The following CPT1B variants were observed in gnomAD, a reference collection of about 807,000 sequenced individuals.
CPT1B encodes the protein carnitine O-palmitoyltransferase 1, muscle isoform.
CPT1B carries 57 observed loss-of-function variants against 92.7 expected under a neutral mutation model. The ratio of observed to expected loss-of-function variants is 0.62; its 90% CI spans 0.50 to 0.77. The LOEUF is 0.77. Among genes scored for constraint, CPT1B ranks in the 30% least tolerant of loss-of-function variants. CPT1B has a pLI of 0.00. For missense variants in CPT1B, 983 were observed against 1,017.4 expected (o/e 0.97, Z 0.46); for synonymous variants, 398 against 383.5 (o/e 1.04, Z -0.44).
rs563363846 is a variant in CPT1B at position 50,577,887 on chromosome 22, A to C, written c.29T>G (p.Phe10Cys). The change falls in exon 2 of 20, where the codon TTC becomes TGC. Residue 10 changes from phenylalanine (F) to cysteine (C), a missense_variant. Phe to Cys is a radical substitution (Grantham distance 205). Transcript: ENST00000312108. ...CCCGTCTGGGGTCACCGTGAACTGG[A>C]AGGCCACGGCCTGGTGAGCTTCCGC... MAEAHQAVA[F>C]QFTVTPDGVD... 12 of 1,612,828 alleles carry C rather than the reference A, an allele frequency of 7.4e-6. No homozygotes were observed. The African/African-American group carries it at 1.5e-4, about 20-fold the overall frequency.
Position 50,574,544 on chromosome 22 carries a change from G to A in CPT1B, c.834C>T (p.Ile278=). The change falls in exon 8 of 20, where the codon ATC becomes ATT. Residue 278 remains isoleucine, a synonymous_variant. Coordinates refer to ENST00000312108, the MANE Select transcript of CPT1B (RefSeq NM_152246.3). Reference sequence around the variant, plus strand: ...TACGGCGATACATGATCATGGCGTGGATGATGTTTCCCAGGCGGGCTGCCT... The same window carrying A: ...TACGGCGATACATGATCATGGCGTGAATGATGTTTCCCAGGCGGGCTGCCT... ...DVQAARLGNI[I]HAMIMYRRKL... is the part of the protein sequence containing the mutation. 6.2e-7 allele frequency: 1 copy of A among 1,614,122 alleles called. No individual in the cohort carries two copies. The highest frequency in any genetic ancestry group is 8.5e-7 in the Non-Finnish European group (1 of 1,179,992).
chr22:50,576,844 G>A lies in CPT1B; in HGVS notation c.459+13C>T. The A allele has an allele frequency of 1.2e-6, 2 of 1,613,678 alleles. No homozygotes were observed. The highest frequency in any genetic ancestry group is 8.5e-7 in the Non-Finnish European group (1 of 1,179,912). On this transcript the variant is annotated intron_variant, in intron 4 of 19. Coordinates refer to ENST00000312108, the MANE Select transcript of CPT1B (RefSeq NM_152246.3). Reference sequence around the variant, plus strand: ...ACCCAGGTGCCTGAACCCCTCCACTGGCTGCTGCTCACAGCCCAGATCCTG... The same window carrying A: ...ACCCAGGTGCCTGAACCCCTCCACTAGCTGCTGCTCACAGCCCAGATCCTG...
chr22:50,573,795 G>A lies in CPT1B; in HGVS notation c.971-80C>T, dbSNP rs2070304020. The stretch of plus-strand genomic sequence containing the variant: ...AGGGCCCACCTCCCATGCACTAGGT[G>A]ACCCCTGCAGACCCTGTTTTGCTCG... On this transcript the variant is annotated intron_variant, in intron 9 of 19. Coordinates refer to ENST00000312108, the MANE Select transcript of CPT1B (RefSeq NM_152246.3). The surrounding 1 kb of genome is among the most constrained non-coding windows in gnomAD (Gnocchi z 5.0). 2 of 1,244,600 alleles carry A rather than the reference G, an allele frequency of 1.6e-6. No homozygotes were observed. The highest frequency in any genetic ancestry group is 2.5e-5 in the East Asian group (1 of 39,778). The allele number at this position is 1,244,600 out of a possible 1,614,324, so 77.1% of individuals were successfully genotyped here. A position where few individuals can be genotyped will look rare whatever the true frequency, so the allele number is the denominator to read the frequency against.
In CPT1B at chr22:50,571,490, T is replaced by C; in HGVS notation, c.1625A>G (p.Asp542Gly). Residue 542 changes from aspartate to glycine, a missense_variant, in exon 14 of 20, where the codon GAC becomes GGC. Transcript: ENST00000312108. ...CTGGAAGCAGTACAACTCCACGTCG[T>C]CTGCCAACGCCTTGGCCACCTGGTA... ...SSYQVAKALA[D>G]DVELYCFQFL... The C allele has an allele frequency of 2.5e-6, 4 of 1,613,548 alleles. No homozygotes were observed. Among genetic ancestry groups the C allele is most frequent in the Non-Finnish European group, 3.4e-6 (4 of 1,180,024 alleles).
chr22:50,573,563 G>A lies in CPT1B; in HGVS notation c.1123C>T (p.Gln375Ter). 1 of 1,613,492 alleles carries A rather than the reference G, an allele frequency of 6.2e-7. No homozygotes were observed. The highest frequency in any genetic ancestry group is 8.5e-7 in the Non-Finnish European group (1 of 1,179,816). The stretch of plus-strand genomic sequence containing the variant: ...GCTGCCAGCTTCTCCTCCCCAGGCT[G>A]AGGTGGGGAGGGGTCGTCCAGGATC... Reference protein sequence around the residue: ...QRILDDPSPPQPGEEKLAALT... With the variant: ...QRILDDPSPP Residue 375 changes from glutamine to a stop codon, truncating the protein, a stop_gained, in exon 10 of 20, where the codon CAG (glutamine) becomes TAG (stop). Coordinates refer to ENST00000312108, the MANE Select transcript of CPT1B (RefSeq NM_152246.3). LOFTEE classifies it high-confidence loss of function. The surrounding 1 kb of genome is among the most constrained non-coding windows in gnomAD (Gnocchi z 5.0).
chr22:50,573,184 C>T lies in CPT1B; in HGVS notation c.1167-124G>A, dbSNP rs1292238185. 2.5e-5 allele frequency: 20 copies of T among 791,864 alleles called. No homozygotes were observed. The highest frequency in any genetic ancestry group is 1.1e-4 in the South Asian group (6 of 56,266). 49.1% of individuals were successfully genotyped at this position (791,864 alleles called of 1,614,324 possible). On this transcript the variant is annotated intron_variant, in intron 10 of 19. Coordinates refer to ENST00000312108, the MANE Select transcript of CPT1B (RefSeq NM_152246.3). The surrounding 1 kb of genome is among the most constrained non-coding windows in gnomAD (Gnocchi z 5.0). Reference sequence around the variant, plus strand: ...CTGGACCTGGAGATGGGGGGTACCACGCTGGACCTGGAGATGTGGGGGTGC... The same window carrying T: ...CTGGACCTGGAGATGGGGGGTACCATGCTGGACCTGGAGATGTGGGGGTGC...
chr22:50,571,920 G>T (rs532271897), intron 13 of CPT1B, 86 bp downstream of exon 13: 6 of 1,242,520 alleles, frequency 4.8e-6, no homozygotes, highest in South Asian at 1.3e-5. Context: ...GAGGCCAGCA[G>T]GGGAGGAGGA....
In CPT1B at chr22:50,577,942, G is replaced by T. The variant is rs1177643959; in HGVS notation, c.-19-8C>A. On this transcript the variant is annotated splice_region_variant and splice_polypyrimidine_tract_variant and intron_variant, in intron 1 of 19. Transcript: ENST00000312108. ...CTGGGGGTTGGTCGGCACCTAGGAC[G>T]GGGGCAGATGGGTGCGCGGGCGCGC... is the stretch of plus-strand genomic sequence containing the variant. 4.4e-6 allele frequency: 7 copies of T among 1,593,098 alleles called. No homozygotes were observed. The highest frequency in any genetic ancestry group is 1.3e-5 in the African/African-American group (1 of 74,692).
chr22:50,572,312 C>G lies in CPT1B; in HGVS notation c.1353-4G>C. 1.2e-6 allele frequency: 2 copies of G among 1,604,976 alleles called. No individual in the cohort carries two copies. Among genetic ancestry groups the G allele is most frequent in the South Asian group, 1.1e-5 (1 of 90,830 alleles). Reference sequence around the variant, plus strand: ...AGTGAAGGATTTGTCAAACCACCTGCAGGAAGAGTAGACACATGAAGAACC... The same window carrying G: ...AGTGAAGGATTTGTCAAACCACCTGGAGGAAGAGTAGACACATGAAGAACC... On this transcript the variant is annotated splice_region_variant and splice_polypyrimidine_tract_variant and intron_variant, in intron 11 of 19. Coordinates refer to ENST00000312108, the MANE Select transcript of CPT1B (RefSeq NM_152246.3).
rs1386354885 is a variant in CPT1B at position 50,569,049 on chromosome 22, C to T, written c.*35G>A. ...TGAGCTGGGGGAGGGGGAGGGCCTC[C>T]GAGTTCCCAAACAAAACACAGGTAC... On this transcript the variant is annotated 3_prime_UTR_variant, in exon 20 of 20. Transcript: ENST00000312108. 1.5e-5 allele frequency: 5 copies of T among 323,494 alleles called. No homozygotes were observed. The highest frequency in any genetic ancestry group is 7.8e-5 in the South Asian group (2 of 25,786). The allele number at this position is 323,494 out of a possible 1,614,324, so 20.0% of individuals were successfully genotyped here.
chr22:50,574,265 G>A, intron 9 of CPT1B, 70 bp downstream of exon 9: 1 of 1,240,192 alleles, frequency 8.1e-7, no homozygotes, highest in Non-Finnish European at 1.2e-6. Flanking sequence ...GGGACGCTTG[G>A]TGATGAGCAG....
At position 50,574,342 on chromosome 22, in the gene CPT1B, C is replaced by A. The variant is rs761650876; in HGVS notation, c.963G>T (p.Lys321Asn). The A allele has an allele frequency of 8.1e-6, 13 of 1,612,242 alleles. 1 individual carries two copies. The Admixed American group carries it at 2.2e-4, about 27-fold the overall frequency. The change falls in exon 9 of 20, where the codon AAG (lysine) becomes AAT (asparagine). Residue 321 changes from lysine to asparagine, a missense_variant. Physicochemically the swap from Lys to Asn is moderately conservative, Grantham distance 94 (BLOSUM62 0). Transcript: ENST00000312108. Reference protein sequence around the residue: ...RMFNTTRIPGKDTDVLQHLSD... With the variant: ...RMFNTTRIPGNDTDVLQHLSD... ...GCGAGGGGGCTCAGTTACCTGTGTCCTTGCCCGGGATCCGAGTGGTGTTGA... is the reference window on the plus strand; with the variant it reads ...GCGAGGGGGCTCAGTTACCTGTGTCATTGCCCGGGATCCGAGTGGTGTTGA...
intron 2 of CPT1B, 73 bp from the exon 3 acceptor site, chr22:50,577,536 T>A: frequency 6.3e-7 from 1 of 1,575,208 alleles, no homozygotes; most frequent in Non-Finnish European, 8.6e-7. Flanking sequence ...TCTTGGGAAC[T>A]GGCTCCTGGT....
At chr22:50,572,418 T>C in intron 11 of CPT1B, 110 bp from the exon 12 acceptor site, 1 of 677,694 alleles carries the variant, frequency 1.5e-6, no homozygotes, top group South Asian at 1.9e-5. Flanking sequence ...CTCTCTCTTT[T>C]TCTCTCACTT....
At position 50,569,617 on chromosome 22, in the gene CPT1B, T is replaced by C; in HGVS notation, c.2194A>G (p.Ile732Val). Residue 732 changes from isoleucine to valine, a missense_variant, in exon 18 of 20, where the codon ATC becomes GTC. Physicochemically the swap from Ile to Val is conservative, Grantham distance 29. Transcript: ENST00000312108. ...VSYMIAGENT[I>V]FFHISSKFSS... ...AACTTGCTGGAGATGTGGAAGAAGATCGTGTTCTCGCCTGCAATCATGTAG... is the reference window on the plus strand; with the variant it reads ...AACTTGCTGGAGATGTGGAAGAAGACCGTGTTCTCGCCTGCAATCATGTAG... The C allele has an allele frequency of 6.2e-7, 1 of 1,614,030 alleles. No individual in the cohort carries two copies.
intron 2 of CPT1B, 123 bp downstream of exon 2, chr22:50,577,651 TG>T (rs1450860243): frequency 2.7e-6 from 4 of 1,467,348 alleles, no homozygotes; most frequent in Non-Finnish European, 3.7e-6. Flanking sequence ...CTCTGGTGTC[TG>T]TACTTCCACA....
chr22:50,572,921 G>T lies in CPT1B; in HGVS notation c.1306C>A (p.Leu436Ile), dbSNP rs749300669. The T allele has an allele frequency of 1.9e-6, 3 of 1,613,528 alleles. No homozygotes were observed. Among genetic ancestry groups the T allele is most frequent in the Non-Finnish European group, 2.5e-6 (3 of 1,179,592 alleles). ...YSYDPEDEAS[L>I]SLYGKALLHG... is the part of the protein sequence containing the mutation. ...AGCAGGGCCTTGCCATAGAGGCTGAGGCTGGCCTCATCTTCGGGGTCATAG... is the reference window on the plus strand; with the variant it reads ...AGCAGGGCCTTGCCATAGAGGCTGATGCTGGCCTCATCTTCGGGGTCATAG... The change falls in exon 11 of 20, where the codon CTC (leucine) becomes ATC (isoleucine). Residue 436 changes from leucine (L) to isoleucine (I), a missense_variant. Leu to Ile is a conservative substitution (Grantham distance 5). Transcript: ENST00000312108.
chr22:50,576,290 G>A lies in CPT1B; in HGVS notation c.607C>T (p.Arg203Cys), dbSNP rs760684772. 109 of 1,613,932 alleles carry A rather than the reference G, an allele frequency of 6.8e-5. No homozygotes were observed. The highest frequency in any genetic ancestry group is 8.8e-5 in the Non-Finnish European group (104 of 1,180,034). Reference protein sequence around the residue: ...RPLLDDEEYYRMELLAKEFQD... With the variant: ...RPLLDDEEYYCMELLAKEFQD... ...AATTCTTTGGCCAGCAACTCCATGC[G>A]GTAATATTCCTCATCATCCAACAAG... Residue 203 changes from arginine (R) to cysteine (C), a missense_variant, in exon 6 of 20, where the codon CGC (arginine) becomes TGC (cysteine). Arg to Cys is a radical substitution (Grantham distance 180, BLOSUM62 -3). Coordinates refer to ENST00000312108, the MANE Select transcript of CPT1B (RefSeq NM_152246.3).
chr22:50,571,616 C>T (rs564998674), intron 13 of CPT1B, 77 bp from the exon 14 acceptor site: 13 of 1,504,834 alleles, frequency 8.6e-6, no homozygotes, highest in South Asian at 2.4e-5. Context: ...GGAGGCATGA[C>T]GTTTAGCTGG....
Sources: gnomAD v4.1 joint callset for allele counts on GRCh38, gnomAD v4.1.1 for gene constraint, Gnocchi (gnomAD v3.1) non-coding constraint, MANE v1.5 for transcripts, NCBI Gene and HGNC (gene_info 2026-07-23, HGNC 2026-07-21) for gene names.